The following DEXI variants were observed in gnomAD, a reference collection of about 807,000 sequenced individuals.
DEXI encodes dexamethasone-induced protein.
A neutral mutation model predicts 2.5 loss-of-function variants in DEXI; 2 were observed. The ratio of observed to expected loss-of-function variants is 0.81; its 90% confidence interval spans 0.33 to 2.55. DEXI has a LOEUF of 2.55. DEXI is among the 30% of genes most tolerant of loss of function. The pLI, the probability that DEXI is intolerant of heterozygous loss-of-function variation, is 0.11. For missense variants in DEXI, 108 were observed against 130.3 expected, an observed-to-expected ratio of 0.83 and a Z score of 0.83; for synonymous variants, 71 against 68.7, an observed-to-expected ratio of 1.03 and a Z score of -0.17.
chr16:10,930,917 C>A (rs1223327927), intron 1 of DEXI: 1 of 152,326 alleles, frequency 6.6e-6, no homozygotes, highest in Non-Finnish European at 1.5e-5. Context: ...TGGCCAGCAG[C>A]CTGAAGCAGA....
In DEXI at chr16:10,938,161, T is replaced by C. The variant is rs978398023; in HGVS notation, c.*149+3408A>G. 2 of 152,136 alleles carry C rather than the reference T, an allele frequency of 1.3e-5. No individual in the cohort carries two copies. The highest frequency in any genetic ancestry group is 4.8e-5 in the African/African-American group (2 of 41,422). The allele number at this position is 152,136 out of a possible 1,614,324, so 9.4% of individuals were successfully genotyped here. ...AGTGCTTTATGTATATCTCACCTAA[T>C]CCTCACAACAAGGGAGATTTTCATT... On this transcript the variant is annotated intron_variant, in intron 1 of 1. Transcript: ENST00000331808. The surrounding 1 kb of genome is among the most constrained non-coding windows in gnomAD (Gnocchi z 4.9).
intron 1 of DEXI, chr16:10,936,857 T>C (rs1187020179): frequency 6.6e-6 from 1 of 152,236 alleles, no homozygotes; most frequent in Non-Finnish European, 1.5e-5. Flanking sequence ...TCTGCCACTT[T>C]TATTGTGATC....
At chr16:10,931,717 A>AAAAC (rs1195912256) in intron 1 of DEXI, 1 of 152,218 alleles carries the variant, frequency 6.6e-6, no homozygotes, top group African/African-American at 2.4e-5. Flanking sequence ...GTCTCTACTA[A>AAAAC]AAACAAACAA....
chr16:10,941,104 C>T lies in DEXI; in HGVS notation c.*149+465G>A, dbSNP rs928278208. 6.6e-6 allele frequency: 1 copy of T among 152,414 alleles called. No homozygotes were observed. Among genetic ancestry groups the T allele is most frequent in the Non-Finnish European group, 1.5e-5 (1 of 68,106 alleles). The allele number at this position is 152,414 out of a possible 1,614,324, so 9.4% of individuals were successfully genotyped here. On this transcript the variant is annotated intron_variant, in intron 1 of 1. Coordinates refer to ENST00000331808, the MANE Select transcript of DEXI (RefSeq NM_014015.4). This position sits in a 1 kb window ranked among gnomAD's most constrained non-coding sequence, Gnocchi z 6.4. ...GCCCCTGCACTTAATCCCCACCCAG[C>T]TACCCCAAGGGCCACAGTACAAAGG...
Position 10,934,145 on chromosome 16 carries a change from C to T in DEXI, c.*150-4586G>A, listed in dbSNP as rs2040920464. On this transcript the variant is annotated intron_variant, in intron 1 of 1. Transcript: ENST00000331808. The surrounding 1 kb of genome is among the most constrained non-coding windows in gnomAD (Gnocchi z 4.2). The stretch of plus-strand genomic sequence containing the variant: ...ACCACGTGCCTCCAGCTGGTCACGC[C>T]CAAGACTCCCTGAGCCCTCTGGAAG... 1 of 152,270 alleles carries T rather than the reference C, an allele frequency of 6.6e-6. No individual in the cohort carries two copies. The highest frequency in any genetic ancestry group is 1.9e-4 in the East Asian group (1 of 5,204). 9.4% of individuals were successfully genotyped at this position (152,270 alleles called of 1,614,324 possible). A position where few individuals can be genotyped will look rare whatever the true frequency, so the allele number is the denominator to read the frequency against.
intron 1 of DEXI, chr16:10,936,793 C>A (rs1216989765): frequency 6.6e-6 from 1 of 152,198 alleles, no homozygotes; most frequent in Non-Finnish European, 1.5e-5. Flanking sequence ...GTTCCCTCGG[C>A]CTCCACTTCC....
At position 10,937,005 on chromosome 16, in the gene DEXI, G is replaced by A. The variant is rs1235725422; in HGVS notation, c.*149+4564C>T. 6.6e-6 allele frequency: 1 copy of A among 152,220 alleles called. No individual in the cohort carries two copies. Among genetic ancestry groups the A allele is most frequent in the Non-Finnish European group, 1.5e-5 (1 of 68,044 alleles). 9.4% of individuals were successfully genotyped at this position (152,220 alleles called of 1,614,324 possible). A position where few individuals can be genotyped will look rare whatever the true frequency, so the allele number is the denominator to read the frequency against. ...CAAAACAGACACATGAGCTGTAAGT[G>A]GGGCAGACCCTGCCTGTTTCTTGGC... On this transcript the variant is annotated intron_variant, in intron 1 of 1. Coordinates refer to ENST00000331808, the MANE Select transcript of DEXI (RefSeq NM_014015.4). This position sits in a 1 kb window ranked among gnomAD's most constrained non-coding sequence, Gnocchi z 4.2.
rs1167866697 is a variant in DEXI at position 10,941,186 on chromosome 16, G to A, written c.*149+383C>T. 1 of 155,044 alleles carries A rather than the reference G, an allele frequency of 6.4e-6. No individual in the cohort carries two copies. The highest frequency in any genetic ancestry group is 1.4e-5 in the Non-Finnish European group (1 of 69,872). The allele number at this position is 155,044 out of a possible 1,614,324, so 9.6% of individuals were successfully genotyped here. A position where few individuals can be genotyped will look rare whatever the true frequency, so the allele number is the denominator to read the frequency against. On this transcript the variant is annotated intron_variant, in intron 1 of 1. Transcript: ENST00000331808. This position sits in a 1 kb window ranked among gnomAD's most constrained non-coding sequence, Gnocchi z 6.4. ...CACCCCTAAATCTTTATCCTTCTAG[G>A]ACAAGCGAGAATCCCCCAAAAGCCA...
At chr16:10,936,871 G>A (rs1485766546) in intron 1 of DEXI, 1 of 152,214 alleles carries the variant, frequency 6.6e-6, no homozygotes, top group East Asian at 1.9e-4. Flanking sequence ...TGTGATCTTA[G>A]GTTTCCCAAA....
Position 10,940,645 on chromosome 16 carries a change from G to C in DEXI, c.*149+924C>G, listed in dbSNP as rs1187235043. The C allele has an allele frequency of 6.6e-6, 1 of 152,390 alleles. No individual in the cohort carries two copies. Among genetic ancestry groups the C allele is most frequent in the Non-Finnish European group, 1.5e-5 (1 of 68,206 alleles). The allele number at this position is 152,390 out of a possible 1,614,324, so 9.4% of individuals were successfully genotyped here. A position where few individuals can be genotyped will look rare whatever the true frequency, so the allele number is the denominator to read the frequency against. On this transcript the variant is annotated intron_variant, in intron 1 of 1. Coordinates refer to ENST00000331808, the MANE Select transcript of DEXI (RefSeq NM_014015.4). The surrounding 1 kb of genome is among the most constrained non-coding windows in gnomAD (Gnocchi z 4.2). ...GCCTGACAGCTTGTCTGGCTCACGT[G>C]TTCTCTCTAATTGAGTCTAGCTGCC...
rs1316501543 is a variant in DEXI at position 10,929,444 on chromosome 16, C to T, written c.*265G>A. On this transcript the variant is annotated 3_prime_UTR_variant, in exon 2 of 2. Transcript: ENST00000331808. The surrounding 1 kb of genome is among the most constrained non-coding windows in gnomAD (Gnocchi z 4.3). ...TCTTGGGATGCCTCTTGCGTTCCCC[C>T]TTCTGTGGGAGCAGGTGCCTTCCCA... is the stretch of plus-strand genomic sequence containing the variant. 2 of 985,738 alleles carry T rather than the reference C, an allele frequency of 2.0e-6. No homozygotes were observed. The highest frequency in any genetic ancestry group is 6.1e-5 in the Admixed American group (1 of 16,272). 61.1% of individuals were successfully genotyped at this position (985,738 alleles called of 1,614,324 possible).
chr16:10,941,645 G>C lies in DEXI; in HGVS notation c.*73C>G. On this transcript the variant is annotated 3_prime_UTR_variant, in exon 1 of 2. Transcript: ENST00000331808. The surrounding 1 kb of genome is among the most constrained non-coding windows in gnomAD (Gnocchi z 6.4). ...ATGGTGCCCCCAACCAGCTGCGGCG[G>C]CATGATCTGGGCGGCTGGTCCAGGG... 4 of 1,530,932 alleles carry C rather than the reference G, an allele frequency of 2.6e-6. No individual in the cohort carries two copies. Among genetic ancestry groups the C allele is most frequent in the Non-Finnish European group, 3.5e-6 (4 of 1,138,262 alleles). The allele number at this position is 1,530,932 out of a possible 1,614,324, so 94.8% of individuals were successfully genotyped here. A position where few individuals can be genotyped will look rare whatever the true frequency, so the allele number is the denominator to read the frequency against.
In DEXI at chr16:10,942,257, T is replaced by A. The variant is rs543224229; in HGVS notation, c.-252A>T. The A allele has an allele frequency of 2.9e-6, 1 of 342,756 alleles. No individual in the cohort carries two copies. The highest frequency in any genetic ancestry group is 2.2e-5 in the African/African-American group (1 of 45,338). 21.2% of individuals were successfully genotyped at this position (342,756 alleles called of 1,614,324 possible). A position where few individuals can be genotyped will look rare whatever the true frequency, so the allele number is the denominator to read the frequency against. The stretch of plus-strand genomic sequence containing the variant: ...GGCGGCGAGGCGGGCCCCCCTGAAG[T>A]GGCCCGCGGCTGCCCGGCTCCCTCG... On this transcript the variant is annotated 5_prime_UTR_variant, in exon 1 of 2. Transcript: ENST00000331808. This position sits in a 1 kb window ranked among gnomAD's most constrained non-coding sequence, Gnocchi z 5.0.
rs923910094 is a variant in DEXI, at chr16:10,938,168, A to C, written c.*149+3401T>G. 2.0e-5 allele frequency: 3 copies of C among 152,178 alleles called. No homozygotes were observed. Among genetic ancestry groups the C allele is most frequent in the African/African-American group, 4.8e-5 (2 of 41,416 alleles). The allele number at this position is 152,178 out of a possible 1,614,324, so 9.4% of individuals were successfully genotyped here. A position where few individuals can be genotyped will look rare whatever the true frequency, so the allele number is the denominator to read the frequency against. On this transcript the variant is annotated intron_variant, in intron 1 of 1. Transcript: ENST00000331808. This position sits in a 1 kb window ranked among gnomAD's most constrained non-coding sequence, Gnocchi z 4.9. ...TATGTATATCTCACCTAATCCTCAC[A>C]ACAAGGGAGATTTTCATTATTTCCA... is the stretch of plus-strand genomic sequence containing the variant.
chr16:10,936,499 TG>T (rs1242950299), intron 1 of DEXI: 1 of 152,232 alleles, frequency 6.6e-6, no homozygotes, highest in Admixed American at 6.5e-5. Flanking sequence ...AGCATGCACG[TG>T]TACATGAGCA....
At chr16:10,930,116 T>A (rs2040718261) in intron 1 of DEXI, 2 of 152,494 alleles carry the variant, frequency 1.3e-5, no homozygotes, top group South Asian at 4.1e-4. Flanking sequence ...TCCCACTGCC[T>A]TCTCTGTGTG....
Position 10,939,450 on chromosome 16 carries a change from C to G in DEXI, c.*149+2119G>C, listed in dbSNP as rs59076074. On this transcript the variant is annotated intron_variant, in intron 1 of 1. Transcript: ENST00000331808. The surrounding 1 kb of genome is among the most constrained non-coding windows in gnomAD (Gnocchi z 4.9). The stretch of plus-strand genomic sequence containing the variant: ...CCTCCATGGTATGGCTCCCACCCAC[C>G]TCACTGACCTTTCCTGGGGCTGTTC... 0.02 allele frequency: 3,070 copies of G among 152,434 alleles called. 101 individuals carry two copies. The highest frequency in any genetic ancestry group is 0.07 in the African/African-American group (2,906 of 41,554). 9.4% of individuals were successfully genotyped at this position (152,434 alleles called of 1,614,324 possible).
At position 10,940,239 on chromosome 16, in the gene DEXI, G is replaced by A. The variant is rs2041083845; in HGVS notation, c.*149+1330C>T. ...TGATCCCAAATGATGGTATTGCGGGGTGCGGCCTTAGGGAGGTGATTAGGT... is the reference window on the plus strand; with the variant it reads ...TGATCCCAAATGATGGTATTGCGGGATGCGGCCTTAGGGAGGTGATTAGGT... On this transcript the variant is annotated intron_variant, in intron 1 of 1. Transcript: ENST00000331808. The surrounding 1 kb of genome is among the most constrained non-coding windows in gnomAD (Gnocchi z 4.2). 6.6e-6 allele frequency: 1 copy of A among 152,226 alleles called. No individual in the cohort carries two copies. Among genetic ancestry groups the A allele is most frequent in the African/African-American group, 2.4e-5 (1 of 41,440 alleles). The allele number at this position is 152,226 out of a possible 1,614,324, so 9.4% of individuals were successfully genotyped here.
intron 1 of DEXI, chr16:10,930,682 C>G (rs1199660747): frequency 6.6e-6 from 1 of 152,230 alleles, no homozygotes; most frequent in Non-Finnish European, 1.5e-5. Context: ...TTCCTGAGCT[C>G]TTAGCAGACG....
Sources: allele counts gnomAD v4.1 joint callset, GRCh38; gene constraint gnomAD v4.1.1; non-coding constraint Gnocchi (gnomAD v3.1); transcripts MANE v1.5; gene names NCBI Gene and HGNC (gene_info 2026-07-23, HGNC 2026-07-21).